A1CF: variants seen among roughly 807,000 people sequenced by gnomAD.
A1CF encodes the protein APOBEC1 complementation factor, also known as APOBEC-1 stimulating protein.
A1CF carries 48 observed loss-of-function variants against 68.9 expected under a neutral mutation model. The observed-to-expected ratio is 0.70, with a 90% CI of 0.55 to 0.89. A1CF has a LOEUF of 0.89. A1CF is among the 40% of genes least tolerant of loss of function. The pLI is 0.00. For synonymous variants in A1CF, 272 were observed against 260.4 expected, an observed-to-expected ratio of 1.04 and a Z score of -0.43; for missense variants, 653 against 718.9, an observed-to-expected ratio of 0.91 and a Z score of 1.05.
intron 6 of A1CF, among the ~76,000 whole-genome samples, chr10:50,835,587 A>G (rs1433819961): frequency 1.3e-5 from 2 of 152,170 alleles, no homozygotes; most frequent in Admixed American, 1.3e-4. Flanking sequence ...TGGCTTTCTA[A>G]GGAGAGCTTT....
chr10:50,868,990 T>C (rs1020403657), intron 1 of A1CF, among the ~76,000 whole-genome samples: 1 of 152,092 alleles, frequency 6.6e-6, no homozygotes, highest in Non-Finnish European at 1.5e-5. Context: ...TTTCAGAGGA[T>C]GCAGGGTGGG....
intron 5 of A1CF, among the ~76,000 whole-genome samples, chr10:50,839,084 G>A (rs968950693): frequency 7.2e-5 from 11 of 152,104 alleles, no homozygotes; most frequent in Admixed American, 2.6e-4. Context: ...TCATGAGGTA[G>A]GTATATTTTT....
rs1010813787 is a variant in A1CF at position 50,804,009 on chromosome 10, T to G, written c.*2720A>C. 6.6e-6 allele frequency: 1 copy of G among 152,200 alleles called. No individual in the cohort carries two copies. Among genetic ancestry groups the G allele is most frequent in the Non-Finnish European group, 1.5e-5 (1 of 68,018 alleles). 9.4% of individuals were successfully genotyped at this position (152,200 alleles called of 1,614,324 possible). On this transcript the variant is annotated 3_prime_UTR_variant, in exon 13 of 13. Transcript: ENST00000373997. Reference sequence around the variant, plus strand: ...ACTTATGGTAGCAGGACTTGCTCTATCTACCTAACTTGGGGAAAGTAAAAA... The same window carrying G: ...ACTTATGGTAGCAGGACTTGCTCTAGCTACCTAACTTGGGGAAAGTAAAAA...
intron 2 of A1CF, among the ~76,000 whole-genome samples, chr10:50,861,877 T>A (rs920890272): frequency 8.7e-5 from 13 of 149,048 alleles, no homozygotes; most frequent in African/African-American, 3.2e-4. Context: ...ATTAGTATAC[T>A]AGTATAGTAT....
Position 50,811,126 on chromosome 10 carries a change from C to G in A1CF, c.1374G>C (p.Gln458His). The G allele has an allele frequency of 6.2e-7, 1 of 1,613,498 alleles. No homozygotes were observed. The change falls in exon 11 of 13, where the codon CAG (glutamine) becomes CAC (histidine). Residue 458 changes from glutamine to histidine, a missense_variant. Coordinates refer to ENST00000373997, the MANE Select transcript of A1CF (RefSeq NM_014576.4). Reference protein sequence around the residue: ...QKNNWGQPVYQLHSAIGQDQR... With the variant: ...QKNNWGQPVYHLHSAIGQDQR... ...GGTCTTGTCCAATAGCAGAGTGCAG[C>G]TGGTACACTGGCTGTCCCCAGTTAT...
chr10:50,857,727 C>T (rs1221516189), intron 3 of A1CF, among the ~76,000 whole-genome samples: 2 of 152,156 alleles, frequency 1.3e-5, no homozygotes, highest in Admixed American at 6.6e-5. Context: ...AATGGGTTGG[C>T]CTGCAGCTTT....
rs2132285314 is a variant in A1CF at position 50,802,408 on chromosome 10, A to G, written c.*4321T>C. 1 of 152,346 alleles carries G rather than the reference A, an allele frequency of 6.6e-6. No homozygotes were observed. Among genetic ancestry groups the G allele is most frequent in the African/African-American group, 2.4e-5 (1 of 41,590 alleles). The allele number at this position is 152,346 out of a possible 1,614,324, so 9.4% of individuals were successfully genotyped here. On this transcript the variant is annotated 3_prime_UTR_variant, in exon 13 of 13. Transcript: ENST00000373997. ...ATAAGTATATACAAAATCTTAAGTT[A>G]TCCTATTAACATTTTCTTTTTAAAA...
In A1CF at chr10:50,805,384, T is replaced by C. The variant is rs940333752; in HGVS notation, c.*1345A>G. 6.6e-6 allele frequency: 1 copy of C among 152,212 alleles called. No homozygotes were observed. Among genetic ancestry groups the C allele is most frequent in the African/African-American group, 2.4e-5 (1 of 41,456 alleles). 9.4% of individuals were successfully genotyped at this position (152,212 alleles called of 1,614,324 possible). ...TTTGAACAAAGCAATCATTTACAAG[T>C]ATGGCAAGAAAGTAGTGCCTTCTCT... On this transcript the variant is annotated 3_prime_UTR_variant, in exon 13 of 13. Coordinates refer to ENST00000373997, the MANE Select transcript of A1CF (RefSeq NM_014576.4).
chr10:50,870,891 T>TG (rs1841234154), intron 1 of A1CF, among the ~76,000 whole-genome samples: 1 of 151,628 alleles, frequency 6.6e-6, no homozygotes, highest in Non-Finnish European at 1.5e-5. Context: ...TAATATACAA[T>TG]GAACAAGATG....
chr10:50,844,002 G>A lies in A1CF; in HGVS notation c.220C>T (p.Pro74Ser). The A allele has an allele frequency of 6.2e-6, 10 of 1,613,594 alleles. No homozygotes were observed. The highest frequency in any genetic ancestry group is 8.5e-6 in the Non-Finnish European group (10 of 1,179,726). ...PRDLFEDELI[P>S]LCEKIGKIYE... ...TTTGGACTCACTTTTTCACATAATG[G>A]TATAAGCTCATCCTCAAAAAGGTCT... Residue 74 changes from proline (P) to serine (S), a missense_variant, in exon 4 of 13, where the codon CCA becomes TCA. Pro to Ser is a moderately conservative substitution (Grantham distance 74). Transcript: ENST00000373997.
intron 4 of A1CF, 24 bp downstream of exon 4, chr10:50,843,964 A>T: frequency 6.2e-7 from 1 of 1,612,404 alleles, no homozygotes; most frequent in Non-Finnish European, 8.5e-7. Flanking sequence ...GATAAGAAAA[A>T]TTAAATGTTA....
At chr10:50,854,174 A>G (rs1840375622) in intron 3 of A1CF, among the ~76,000 whole-genome samples, 1 of 152,028 alleles carries the variant, frequency 6.6e-6, no homozygotes, top group Non-Finnish European at 1.5e-5. Context: ...TTATTATAGA[A>G]AATTTAGAAA....
intron 6 of A1CF, among the ~76,000 whole-genome samples, chr10:50,835,082 G>T (rs900425495): frequency 6.6e-6 from 1 of 152,126 alleles, no homozygotes; most frequent in Non-Finnish European, 1.5e-5. Flanking sequence ...GTGAATGAAA[G>T]ATTCAACATT....
At chr10:50,842,081 A>C in intron 4 of A1CF, 89 bp from the exon 5 acceptor site, 1 of 1,206,756 alleles carries the variant, frequency 8.3e-7, no homozygotes, top group Non-Finnish European at 1.2e-6. Context: ...ACAAACACAC[A>C]CACACACAAT....
At chr10:50,882,030 C>G (rs1367955799) in intron 1 of A1CF, among the ~76,000 whole-genome samples, 4 of 152,138 alleles carry the variant, frequency 2.6e-5, no homozygotes, top group Non-Finnish European at 5.9e-5. Flanking sequence ...ATATCTTATA[C>G]AGGACGATGA....
Position 50,844,100 on chromosome 10 carries a change from C to T in A1CF, c.122G>A (p.Gly41Asp). 1 of 1,611,458 alleles carries T rather than the reference C, an allele frequency of 6.2e-7. No homozygotes were observed. The highest frequency in any genetic ancestry group is 8.5e-7 in the Non-Finnish European group (1 of 1,179,254). ...LVQENGQRKY[G>D]GPPPGWDAAP... Reference sequence around the variant, plus strand: ...AGCATCCCAACCAGGTGGAGGGCCACCATATTTTCTTTGTCCATTTTCCTG... The same window carrying T: ...AGCATCCCAACCAGGTGGAGGGCCATCATATTTTCTTTGTCCATTTTCCTG... Residue 41 changes from glycine (G) to aspartate (D), a missense_variant, in exon 4 of 13, where the codon GGT becomes GAT. Gly to Asp is a moderately conservative substitution (Grantham distance 94). Coordinates refer to ENST00000373997, the MANE Select transcript of A1CF (RefSeq NM_014576.4).
intron 1 of A1CF, among the ~76,000 whole-genome samples, chr10:50,881,281 G>A (rs1047185092): frequency 3.3e-5 from 5 of 152,256 alleles, no homozygotes; most frequent in East Asian, 1.9e-4. Context: ...GAGCCACTGC[G>A]CCCGGCCTCA....
In A1CF at chr10:50,851,692, C is replaced by T. The variant is rs192643943; in HGVS notation, c.100-7570G>A. Among the ~76,000 whole-genome samples the T allele has an allele frequency of 8.0e-4, 122 of 152,260 alleles. 1 individual carries two copies. Among genetic ancestry groups the T allele is most frequent in the Non-Finnish European group, 8.8e-5 (6 of 68,022 alleles). On this transcript the variant is annotated intron_variant, in intron 3 of 12. Transcript: ENST00000373997. ...GCCTGAAGAGGTGTTTAAATCATAC[C>T]TCCAACAACTAACTTTCCTCACCTG... is the stretch of plus-strand genomic sequence containing the variant.
chr10:50,884,905 C>T (rs1841935957), intron 1 of A1CF, among the ~76,000 whole-genome samples: 1 of 152,096 alleles, frequency 6.6e-6, no homozygotes, highest in Admixed American at 6.6e-5. Flanking sequence ...ATATATCCAC[C>T]TCAGCACAGT....
Sources: gnomAD v4.1 joint callset for allele counts (sites outside exome capture counted in the v4.1 genomes callset) on GRCh38, gnomAD v4.1.1 for gene constraint, MANE v1.5 for transcripts, NCBI Gene and HGNC (gene_info 2026-07-23, HGNC 2026-07-21) for gene names.